The following DLC1 variants were observed in gnomAD, a reference collection of about 807,000 sequenced individuals.
DLC1 encodes the protein rho GTPase-activating protein 7.
A neutral mutation model predicts 140.3 loss-of-function variants in DLC1; 54 were observed. The ratio of observed to expected loss-of-function variants is 0.38; its 90% CI spans 0.31 to 0.48. The LOEUF (loss-of-function observed/expected upper bound fraction) is 0.48, where lower values mean the gene tolerates loss of function less well. DLC1 is among the 20% of genes least tolerant of loss of function. The pLI is 0.96. For synonymous variants in DLC1, 986 were observed against 728.1 expected (o/e 1.35, Z -5.70); for missense variants, 2,536 against 1,907.0 (o/e 1.33, Z -6.14).
At chr8:13,145,075 A>G (rs1473209286) in intron 5 of DLC1, among the ~76,000 whole-genome samples, 3 of 152,196 alleles carry the variant, frequency 2.0e-5, no homozygotes, top group Non-Finnish European at 2.9e-5. Flanking sequence ...ATAATTTGAA[A>G]AAGTACTAAA....
intron 5 of DLC1, among the ~76,000 whole-genome samples, chr8:13,291,566 A>G (rs527897914): frequency 6.6e-6 from 1 of 152,364 alleles, no homozygotes; most frequent in Admixed American, 6.5e-5. Flanking sequence ...AGAAGTGATC[A>G]GATATTTATA....
intron 1 of DLC1, among the ~76,000 whole-genome samples, chr8:13,562,673 C>G (rs1315693086): frequency 6.6e-6 from 1 of 152,098 alleles, no homozygotes; most frequent in Non-Finnish European, 1.5e-5. Flanking sequence ...AAGTAGAAAA[C>G]TACATATGTC....
At chr8:13,290,847 G>A (rs908167144) in intron 5 of DLC1, among the ~76,000 whole-genome samples, 1 of 152,122 alleles carries the variant, frequency 6.6e-6, no homozygotes, top group African/African-American at 2.4e-5. Context: ...GATGGCACTA[G>A]GGGGCAACTG....
At chr8:13,339,831 T>G (rs1833961080) in intron 4 of DLC1, 1 of 152,252 alleles carries the variant, frequency 6.6e-6, no homozygotes, top group South Asian at 2.1e-4. Context: ...GCTCAAGGAC[T>G]TGTATTCATT....
intron 5 of DLC1, among the ~76,000 whole-genome samples, chr8:13,301,075 T>G (rs576448366): frequency 6.6e-6 from 1 of 152,222 alleles, no homozygotes; most frequent in Non-Finnish European, 1.5e-5. Flanking sequence ...GCTTGGTAGA[T>G]AGGATCTGAT....
Position 13,126,368 on chromosome 8 carries a change from T to TACACACACACACAC in DLC1, c.1349-10725_1349-10712dup, listed in dbSNP as rs3065349. Among the ~76,000 whole-genome samples the TACACACACACACAC allele has an allele frequency of 6.9e-3, 1,002 of 145,568 alleles. 7 individuals carry two copies. Among genetic ancestry groups the TACACACACACACAC allele is most frequent in the Middle Eastern group, 0.018 (5 of 284 alleles). ...AGGGACACACATATCTCTCTATCCATACACACACACACACACACACACACA... is the reference window on the plus strand; with the variant it reads ...AGGGACACACATATCTCTCTATCCATACACACACACACACACACACACACACACACACACACACA... On this transcript the variant is annotated intron_variant, in intron 5 of 17. Coordinates refer to ENST00000276297, the MANE Select transcript of DLC1 (RefSeq NM_182643.3).
rs533522752 is a variant in DLC1, at chr8:13,092,034, C to T, written c.3740+578G>A. Among the ~76,000 whole-genome samples the T allele has an allele frequency of 7.2e-5, 11 of 152,260 alleles. No individual in the cohort carries two copies. In the East Asian group the frequency reaches 2.1e-3, roughly 29 times the overall value. On this transcript the variant is annotated intron_variant, in intron 13 of 17. Coordinates refer to ENST00000276297, the MANE Select transcript of DLC1 (RefSeq NM_182643.3). Reference sequence around the variant, plus strand: ...GGCTAAGCCGGGTGGATCATAAGGTCAGGAGCTCGAGACCAGCCTGGCCAA... The same window carrying T: ...GGCTAAGCCGGGTGGATCATAAGGTTAGGAGCTCGAGACCAGCCTGGCCAA...
At chr8:13,530,395 G>A (rs1585246126) in intron 1 of DLC1, among the ~76,000 whole-genome samples, 2 of 152,154 alleles carry the variant, frequency 1.3e-5, no homozygotes, top group South Asian at 2.1e-4. Context: ...AGGAAATGCC[G>A]AGTTGCTTCT....
intron 5 of DLC1, among the ~76,000 whole-genome samples, chr8:13,190,257 A>G (rs1826668687): frequency 6.6e-6 from 1 of 152,050 alleles, no homozygotes; most frequent in African/African-American, 2.4e-5. Context: ...GGTGGCCACG[A>G]GTGGCTGTGG....
chr8:13,367,713 A>G (rs1297738688), intron 4 of DLC1, among the ~76,000 whole-genome samples: 1 of 152,160 alleles, frequency 6.6e-6, no homozygotes, highest in East Asian at 1.9e-4. Flanking sequence ...TCTGCAGTTT[A>G]TTCTTCTCTT....
intron 2 of DLC1, among the ~76,000 whole-genome samples, chr8:13,468,008 C>T (rs765408951): frequency 6.6e-6 from 1 of 152,054 alleles, no homozygotes; most frequent in Non-Finnish European, 1.5e-5. Flanking sequence ...GACTGACATT[C>T]GTTCTTTTCT....
intron 1 of DLC1, among the ~76,000 whole-genome samples, chr8:13,524,489 C>T (rs1025228492): frequency 3.3e-5 from 5 of 151,816 alleles, no homozygotes; most frequent in East Asian, 1.9e-4. Flanking sequence ...AAATTTGTAC[C>T]GTAATAGTCT....
intron 5 of DLC1, among the ~76,000 whole-genome samples, chr8:13,163,945 CAGTGAGCCA>C (rs1824909539): frequency 1.3e-5 from 2 of 152,018 alleles, no homozygotes; most frequent in African/African-American, 4.8e-5. Context: ...TTCAAGGCTT[CAGTGAGCCA>C]TGACTGCTAT....
At chr8:13,223,196 A>G (rs933740015) in intron 5 of DLC1, among the ~76,000 whole-genome samples, 2 of 152,184 alleles carry the variant, frequency 1.3e-5, no homozygotes, top group African/African-American at 2.4e-5. Context: ...GTGAAATGCT[A>G]CATATAAAAA....
At chr8:13,335,743 A>T (rs768525373) in intron 4 of DLC1, among the ~76,000 whole-genome samples, 1 of 152,160 alleles carries the variant, frequency 6.6e-6, no homozygotes, top group Non-Finnish European at 1.5e-5. Flanking sequence ...CCAAACCTGG[A>T]TCTATTGTTC....
chr8:13,552,111 G>GTA (rs3066465), intron 1 of DLC1, among the ~76,000 whole-genome samples: 2,554 of 54,474 alleles, frequency 0.047, 115 homozygotes, highest in African/African-American at 0.13. Flanking sequence ...GTCTAGAGGT[G>GTA]TATATATATA....
intron 2 of DLC1, among the ~76,000 whole-genome samples, chr8:13,482,061 C>G (rs572513816): frequency 1.4e-4 from 21 of 152,288 alleles, no homozygotes; most frequent in African/African-American, 4.8e-4. Flanking sequence ...ACACCTTGAT[C>G]TGGGACTTCT....
chr8:13,418,648 G>A (rs1476445121), intron 2 of DLC1, among the ~76,000 whole-genome samples: 1 of 152,190 alleles, frequency 6.6e-6, no homozygotes, highest in African/African-American at 2.4e-5. Flanking sequence ...CAGGTAGTGT[G>A]ATGCCTCCAG....
intron 1 of DLC1, among the ~76,000 whole-genome samples, chr8:13,542,646 T>G (rs2117334838): frequency 6.6e-6 from 1 of 152,284 alleles, no homozygotes. Context: ...TACACATTTA[T>G]TTAGATCTTT....
Sources: allele counts gnomAD v4.1 joint callset (sites outside exome capture counted in the v4.1 genomes callset), GRCh38; gene constraint gnomAD v4.1.1; transcripts MANE v1.5; gene names NCBI Gene and HGNC (gene_info 2026-07-23, HGNC 2026-07-21).